The following TREM1 variants were observed in gnomAD, a reference collection of about 807,000 sequenced individuals.
The protein encoded by TREM1 is triggering receptor expressed on monocytes 1.
TREM1 carries 16 observed loss-of-function variants against 22.4 expected under a neutral mutation model. The observed-to-expected ratio is 0.71, with a 90% CI of 0.48 to 1.08. TREM1 has a LOEUF of 1.08. Among genes scored for constraint, TREM1 ranks in the 50% least tolerant of loss-of-function variants. TREM1 has a pLI of 0.00. For synonymous variants in TREM1, 110 were observed against 111.6 expected (o/e 0.99, Z 0.09); for missense variants, 283 against 282.9 (o/e 1.00, Z 0.00).
downstream of TREM1, among the ~76,000 whole-genome samples, chr6:41,270,457 A>ATCTTATAT (rs1323844748): frequency 2.9e-4 from 1 of 3,444 alleles, no homozygotes; most frequent in African/African-American, 5.1e-4. Context: ...ATATATATAT[A>ATCTTATAT]TATATATATA....
intron 3 of TREM1, among the ~76,000 whole-genome samples, chr6:41,268,467 A>T (rs1256329447): frequency 1.3e-5 from 2 of 152,212 alleles, no homozygotes; most frequent in Admixed American, 6.5e-5. Context: ...CCAATGATGG[A>T]TTCATACCAG....
At chr6:41,276,748 C>T (rs1767687583) in intron 3 of TREM1, among the ~76,000 whole-genome samples, 1 of 152,024 alleles carries the variant, frequency 6.6e-6, no homozygotes, top group Non-Finnish European at 1.5e-5. Context: ...TTGGCCAGTT[C>T]CATCAGCAGA....
At chr6:41,286,497 C>T (rs1325559655) in intron 1 of TREM1, 110 bp downstream of exon 1, 1 of 1,107,818 alleles carries the variant, frequency 9.0e-7, no homozygotes. Context: ...GCCATAACTA[C>T]TGGTTGGCTC....
Position 41,286,054 on chromosome 6 carries a change from G to A in TREM1, c.49+553C>T, listed in dbSNP as rs143001210. Reference sequence around the variant, plus strand: ...GACACAAGAAAGAGCTGGGGCATGCGCCGGCTCTGCTGAGCCTCAGCAACT... The same window carrying A: ...GACACAAGAAAGAGCTGGGGCATGCACCGGCTCTGCTGAGCCTCAGCAACT... On this transcript the variant is annotated intron_variant, in intron 1 of 3. Coordinates refer to ENST00000244709, the MANE Select transcript of TREM1 (RefSeq NM_018643.5). Among the ~76,000 whole-genome samples the A allele has an allele frequency of 5.0e-3, 760 of 152,290 alleles. 8 individuals are homozygous for A. Among genetic ancestry groups the A allele is most frequent in the African/African-American group, 0.016 (680 of 41,558 alleles).
intron 3 of TREM1, among the ~76,000 whole-genome samples, chr6:41,277,497 G>A (rs1025677018): frequency 2.0e-5 from 3 of 152,140 alleles, no homozygotes; most frequent in South Asian, 2.1e-4. Flanking sequence ...CCTGGCTTCC[G>A]GGCTCTGCTC....
chr6:41,280,382 T>C, intron 3 of TREM1: 1 of 988,554 alleles, frequency 1.0e-6, no homozygotes, highest in Non-Finnish European at 1.2e-6. Flanking sequence ...GCAAAAATTC[T>C]GATTCTATTT....
At chr6:41,272,344 G>C (rs1282863104), downstream of TREM1, among the ~76,000 whole-genome samples, 2 of 152,066 alleles carry the variant, frequency 1.3e-5, no homozygotes, top group Non-Finnish European at 2.9e-5. Context: ...ACTGACCACT[G>C]ACCCCTACAA....
downstream of TREM1, among the ~76,000 whole-genome samples, chr6:41,271,303 C>G (rs1228445969): frequency 6.6e-6 from 1 of 152,204 alleles, no homozygotes; most frequent in Non-Finnish European, 1.5e-5. Context: ...AGACAACCCT[C>G]TGATACCTGT....
At chr6:41,280,243 T>C in intron 3 of TREM1, 1 of 976,494 alleles carries the variant, frequency 1.0e-6, no homozygotes, top group Non-Finnish European at 1.2e-6. Flanking sequence ...GATAAACACA[T>C]TCTAATATAA....
At chr6:41,281,913 G>C (rs1402420950) in intron 2 of TREM1, 1 of 163,008 alleles carries the variant, frequency 6.1e-6, no homozygotes, top group Admixed American at 5.6e-5. Flanking sequence ...CCCCAAAATG[G>C]GAGCCATGGA....
chr6:41,282,820 G>C (rs910638563), intron 1 of TREM1, 69 bp from the exon 2 acceptor site: 1 of 1,384,858 alleles, frequency 7.2e-7, no homozygotes, highest in African/African-American at 1.4e-5. Flanking sequence ...GGAAAAAGGA[G>C]AGGAGCCCCC....
intron 3 of TREM1, chr6:41,280,360 G>C: frequency 1.0e-6 from 1 of 986,994 alleles, no homozygotes. Context: ...AATACTGAGA[G>C]GGACCTCATC....
intron 3 of TREM1, 179 bp downstream of exon 3, chr6:41,280,782 C>G: frequency 6.8e-7 from 1 of 1,466,148 alleles, no homozygotes; most frequent in Non-Finnish European, 9.0e-7. Flanking sequence ...TGAGAGCCTC[C>G]CCTATTCTCC....
In TREM1 at chr6:41,282,895, C is replaced by T. The variant is rs1055141571; in HGVS notation, c.50-144G>A. 15 of 755,424 alleles carry T rather than the reference C, an allele frequency of 2.0e-5. No individual in the cohort carries two copies. The African/African-American group carries it at 2.3e-4, about 11-fold the overall frequency. 46.8% of individuals were successfully genotyped at this position (755,424 alleles called of 1,614,324 possible). On this transcript the variant is annotated intron_variant, in intron 1 of 3. Transcript: ENST00000244709. ...CTTGAGGCCTCCAGAGAAAATACAACTTGCCCTGCAAGCCAGCACTAGACC... is the reference window on the plus strand; with the variant it reads ...CTTGAGGCCTCCAGAGAAAATACAATTTGCCCTGCAAGCCAGCACTAGACC...
rs1767571125 is a variant in TREM1, at chr6:41,274,032, A to T, written c.*2093T>A. ...TGTAAGTGCAAATGGGAGAGTATCC[A>T]GCACGGCCATTTGTCTTCCGATTTA... On this transcript the variant is annotated 3_prime_UTR_variant, in exon 4 of 4. Coordinates refer to ENST00000244709, the MANE Select transcript of TREM1 (RefSeq NM_018643.5). Among the ~76,000 whole-genome samples the T allele has an allele frequency of 2.0e-5, 3 of 152,236 alleles. No individual in the cohort carries two copies. Among genetic ancestry groups the T allele is most frequent in the Admixed American group, 1.3e-4 (2 of 15,286 alleles).
chr6:41,283,718 A>C (rs60030954), intron 1 of TREM1, among the ~76,000 whole-genome samples: 3 of 145,450 alleles, frequency 2.1e-5, no homozygotes, highest in African/African-American at 8.2e-5. Flanking sequence ...TTAAAAAAAA[A>C]AACACACACA....
chr6:41,273,320 C>T (rs1056788860), downstream of TREM1, among the ~76,000 whole-genome samples: 1 of 152,200 alleles, frequency 6.6e-6, no homozygotes, highest in African/African-American at 2.4e-5. Flanking sequence ...CTCTGAGTTA[C>T]TGATATCCCC....
chr6:41,270,397 G>A (rs556472814), downstream of TREM1, among the ~76,000 whole-genome samples: 1 of 143,652 alleles, frequency 7.0e-6, no homozygotes, highest in African/African-American at 2.6e-5. Context: ...TTTTTAAATA[G>A]TTCTGCAATC....
intron 1 of TREM1, among the ~76,000 whole-genome samples, chr6:41,284,353 G>A (rs143170707): frequency 6.6e-6 from 1 of 152,252 alleles, no homozygotes; most frequent in African/African-American, 2.4e-5. Flanking sequence ...AGAACCCCTG[G>A]GTTACAGTGA....
Sources: allele counts gnomAD v4.1 joint callset (sites outside exome capture counted in the v4.1 genomes callset), GRCh38; gene constraint gnomAD v4.1.1; transcripts MANE v1.5; gene names NCBI Gene and HGNC (gene_info 2026-07-23, HGNC 2026-07-21).